XAF1: variants seen among roughly 807,000 people sequenced by gnomAD.
XAF1 encodes XIAP associated factor 1.
A neutral mutation model predicts 32.3 loss-of-function variants in XAF1; 32 were observed. That is an observed-to-expected ratio of 0.99 (90% confidence interval 0.75 to 1.33). The LOEUF is 1.33. XAF1 is among the 40% of genes most tolerant of loss of function. The pLI is 0.00. For synonymous variants in XAF1, 120 were observed against 125.9 expected, an observed-to-expected ratio of 0.95 and a Z score of 0.31; for missense variants, 379 against 366.0, an observed-to-expected ratio of 1.04 and a Z score of -0.29.
At chr17:6,761,154 CA>C (rs35268583) in intron 4 of XAF1, among the ~76,000 whole-genome samples, 41,336 of 147,570 alleles carry the variant, frequency 0.28, 5,555 homozygotes, top group South Asian at 0.39. Flanking sequence ...AACTCTGTCT[CA>C]AAAAAAAAAG....
At position 6,773,195 on chromosome 17, in the gene XAF1, A is replaced by G. The variant is rs779572086; in HGVS notation, c.*26A>G. ...ATTTGGAAAAGGAAAGGTACTACAA[A>G]TTCAAAAGATTTCACTTTTAACACT... On this transcript the variant is annotated 3_prime_UTR_variant, in exon 7 of 7. Transcript: ENST00000361842. 73 of 1,586,348 alleles carry G rather than the reference A, an allele frequency of 4.6e-5. No individual in the cohort carries two copies. The South Asian group carries it at 8.2e-4, about 18-fold the overall frequency.
At chr17:6,755,544 C>T (rs1455083040), upstream of XAF1, 18 of 997,774 alleles carry the variant, frequency 1.8e-5, no homozygotes, top group Non-Finnish European at 2.0e-5. Flanking sequence ...TGGGTCTGGG[C>T]TCACACCACC....
Position 6,762,222 on chromosome 17 carries a change from TA to T in XAF1, c.491del (p.Lys164SerfsTer54). The T allele has an allele frequency of 6.2e-7, 1 of 1,612,814 alleles. No individual in the cohort carries two copies. Among genetic ancestry groups the T allele is most frequent in the African/African-American group, 1.3e-5 (1 of 74,986 alleles). On this transcript the variant is annotated frameshift_variant, in exon 5 of 7. Coordinates refer to ENST00000361842, the MANE Select transcript of XAF1 (RefSeq NM_017523.5). LOFTEE classifies it high-confidence loss of function. The stretch of plus-strand genomic sequence containing the variant: ...ATTGCAACCAAATGATTCCAGAAAA[TA>T]AGTATTTCCACCATATGGTGAGTAG... ...HYCNQMIPEN[K>X]YFHHMGKCCP...
chr17:6,772,358 A>G (rs1011755062), intron 6 of XAF1, among the ~76,000 whole-genome samples: 1 of 148,962 alleles, frequency 6.7e-6, no homozygotes, highest in African/African-American at 2.5e-5. Context: ...GACACCCTGT[A>G]TTTTATTTAG....
Position 6,775,241 on chromosome 17 carries a change from C to T in XAF1, c.*2072C>T, listed in dbSNP as rs924230520. On this transcript the variant is annotated 3_prime_UTR_variant, in exon 7 of 7. Transcript: ENST00000361842. ...GCTAAACATTGAGTACACATGGATA[C>T]AAAGAAGGGAACCGCAGACACTGGG... 6 of 152,056 alleles carry T rather than the reference C, an allele frequency of 3.9e-5. No homozygotes were observed. Among genetic ancestry groups the T allele is most frequent in the South Asian group, 2.1e-4 (1 of 4,830 alleles). The allele number at this position is 152,056 out of a possible 1,614,324, so 9.4% of individuals were successfully genotyped here.
intron 5 of XAF1, 126 bp downstream of exon 5, chr17:6,762,366 T>C (rs1975288361): frequency 7.2e-6 from 6 of 838,216 alleles, no homozygotes; most frequent in Non-Finnish European, 1.1e-5. Context: ...CCCATATTTA[T>C]TTTTTGCTTT....
At chr17:6,758,685 G>T (rs1974919534) in intron 2 of XAF1, 1 of 312,822 alleles carries the variant, frequency 3.2e-6, no homozygotes, top group South Asian at 2.6e-5. Context: ...GATGGGGTCT[G>T]GGAGTCACAG....
intron 5 of XAF1, among the ~76,000 whole-genome samples, chr17:6,768,419 G>A (rs530589996): frequency 6.6e-5 from 10 of 152,126 alleles, no homozygotes; most frequent in East Asian, 3.9e-4. Flanking sequence ...TACTGTGCCC[G>A]GCTGGATATA....
chr17:6,755,918 G>A (rs2151520093), upstream of XAF1: 1 of 1,479,296 alleles, frequency 6.8e-7, no homozygotes, highest in East Asian at 2.5e-5. Context: ...GGGGCTTCTT[G>A]GGAGGGTCCA....
intron 2 of XAF1, 130 bp downstream of exon 2, chr17:6,758,354 G>A (rs1974872034): frequency 5.1e-6 from 7 of 1,385,602 alleles, no homozygotes; most frequent in Middle Eastern, 2.2e-4. Flanking sequence ...TGGGGTCTGG[G>A]AGTCAAGGCA....
intron 1 of XAF1, 85 bp from the exon 2 acceptor site, chr17:6,758,004 T>A: frequency 6.3e-7 from 1 of 1,581,228 alleles, no homozygotes; most frequent in Non-Finnish European, 8.6e-7. Context: ...CCTCTGGAGA[T>A]CTAGCCCTGG....
chr17:6,760,584 A>T lies in XAF1; in HGVS notation c.404A>T (p.Gln135Leu), dbSNP rs1290507414. ...AQHRDVCRSEQAQLGKGERIS... is the reference protein window; with the variant it reads ...AQHRDVCRSELAQLGKGERIS... ...CACAGAGATGTCTGTCGCAGTGAAC[A>T]GGCCCAGCTCGGGAAAGGTAAGCAC... The change falls in exon 4 of 7, where the codon CAG becomes CTG. Residue 135 changes from glutamine (Q) to leucine (L), a missense_variant. Physicochemically the swap from Gln to Leu is moderately radical, Grantham distance 113. Coordinates refer to ENST00000361842, the MANE Select transcript of XAF1 (RefSeq NM_017523.5). 1 of 1,609,764 alleles carries T rather than the reference A, an allele frequency of 6.2e-7. No individual in the cohort carries two copies. The highest frequency in any genetic ancestry group is 8.5e-7 in the Non-Finnish European group (1 of 1,177,522).
At chr17:6,767,082 A>G (rs958245079) in intron 5 of XAF1, among the ~76,000 whole-genome samples, 1 of 152,174 alleles carries the variant, frequency 6.6e-6, no homozygotes, top group Non-Finnish European at 1.5e-5. Flanking sequence ...GACCATCTTA[A>G]TCTGTTTATT....
chr17:6,757,094 C>T (rs1234263211), intron 1 of XAF1, among the ~76,000 whole-genome samples: 1 of 151,820 alleles, frequency 6.6e-6, no homozygotes, highest in East Asian at 1.9e-4. Context: ...CTTCATCTCT[C>T]GGGTTCAAGT....
chr17:6,760,123 G>T (rs1414165508), intron 3 of XAF1, among the ~76,000 whole-genome samples: 1 of 152,188 alleles, frequency 6.6e-6, no homozygotes, highest in Non-Finnish European at 1.5e-5. Flanking sequence ...GCCAAGGCGG[G>T]TGGATCACGA....
At chr17:6,762,046 G>A (rs1260029920) in intron 4 of XAF1, 109 bp from the exon 5 acceptor site, 15 of 1,572,468 alleles carry the variant, frequency 9.5e-6, no homozygotes, top group East Asian at 2.3e-5. Context: ...AGGCAGGTCC[G>A]GGGGGCAGTT....
chr17:6,761,845 G>A, intron 4 of XAF1: 1 of 1,389,530 alleles, frequency 7.2e-7, no homozygotes, highest in Non-Finnish European at 9.5e-7. Context: ...CAGAATGGAG[G>A]GGGTTGGCAT....
chr17:6,764,033 C>T (rs1311448895), intron 5 of XAF1, among the ~76,000 whole-genome samples: 1 of 152,188 alleles, frequency 6.6e-6, no homozygotes, highest in Non-Finnish European at 1.5e-5. Context: ...CACCTACACA[C>T]TTATTTGAAG....
At chr17:6,759,058 A>T (rs1026606077) in intron 2 of XAF1, 111 of 771,714 alleles carry the variant, frequency 1.4e-4, no homozygotes, top group Non-Finnish European at 1.8e-4. Context: ...TGCAGGAGAG[A>T]TGGGGTCCGG....
Sources: allele counts gnomAD v4.1 joint callset (sites outside exome capture counted in the v4.1 genomes callset), GRCh38; gene constraint gnomAD v4.1.1; transcripts MANE v1.5; gene names NCBI Gene and HGNC (gene_info 2026-07-23, HGNC 2026-07-21).